The following ENOX2 variants were observed in gnomAD, a reference collection of about 807,000 sequenced individuals.
ENOX2 encodes the protein APK1 antigen.
A neutral mutation model predicts 45.0 loss-of-function variants in ENOX2; 36 were observed. That is an observed-to-expected ratio of 0.80 (90% CI 0.61 to 1.06). ENOX2 has a LOEUF of 1.06. ENOX2 is among the 50% of genes least tolerant of loss of function. The pLI, the probability that ENOX2 is intolerant of heterozygous loss-of-function variation, is 0.00. For synonymous variants in ENOX2, 174 were observed against 152.3 expected, an observed-to-expected ratio of 1.14 and a Z score of -1.05; for missense variants, 423 against 462.5, an observed-to-expected ratio of 0.91 and a Z score of 0.78.
rs374428755 is a variant in ENOX2 at position 130,833,415 on chromosome X, C to G, written c.-182-49725G>C. ...TACTTGCTAGGTGCCAGGCACTGTT[C>G]TAGGAGCTGGCATGACGAGCCCACA... is the stretch of plus-strand genomic sequence containing the variant. On this transcript the variant is annotated intron_variant, in intron 2 of 14. Coordinates refer to ENST00000394363, the MANE Select transcript of ENOX2 (RefSeq NM_006375.4). Among the ~76,000 whole-genome samples, 9 of 110,981 alleles carry G rather than the reference C, an allele frequency of 8.1e-5. No individual in the cohort carries two copies. In the South Asian group the frequency reaches 3.5e-3, roughly 43 times the overall value.
chrX:130,758,888 T>C (rs2039410655), intron 3 of ENOX2, among the ~76,000 whole-genome samples: 1 of 112,083 alleles, frequency 8.9e-6, no homozygotes, highest in African/African-American at 3.2e-5. Flanking sequence ...TTCATGTCTT[T>C]TTTCAATTTT....
chrX:130,732,829 A>G (rs1182301773), intron 3 of ENOX2, among the ~76,000 whole-genome samples: 1 of 111,830 alleles, frequency 8.9e-6, no homozygotes, highest in Non-Finnish European at 1.9e-5. Flanking sequence ...TCCACATGCA[A>G]AAGAGTACAA....
intron 3 of ENOX2, among the ~76,000 whole-genome samples, chrX:130,716,784 C>G (rs2038341718): frequency 8.9e-6 from 1 of 112,516 alleles, no homozygotes; most frequent in Admixed American, 9.4e-5. Flanking sequence ...AATTCAATAG[C>G]TCTTCTGAAT....
intron 2 of ENOX2, among the ~76,000 whole-genome samples, chrX:130,807,010 T>C (rs774211933): frequency 8.9e-6 from 1 of 111,944 alleles, no homozygotes; most frequent in African/African-American, 3.2e-5. Flanking sequence ...TTTGTTGAAT[T>C]GAGTGAATGA....
At chrX:130,857,889 T>C (rs1331531680) in intron 2 of ENOX2, among the ~76,000 whole-genome samples, 2 of 111,690 alleles carry the variant, frequency 1.8e-5, no homozygotes, top group African/African-American at 6.5e-5. Flanking sequence ...ATATAGAATT[T>C]TTTTAATTAC....
At chrX:130,861,594 A>G (rs1012878434) in intron 2 of ENOX2, among the ~76,000 whole-genome samples, 2 of 111,903 alleles carry the variant, frequency 1.8e-5, no homozygotes, top group Admixed American at 1.9e-4. Context: ...ATAGAAGCAG[A>G]AAGTAGAATA....
chrX:130,850,215 G>C (rs1319626707), intron 2 of ENOX2, among the ~76,000 whole-genome samples: 1 of 111,296 alleles, frequency 9.0e-6, no homozygotes, highest in Non-Finnish European at 1.9e-5. Flanking sequence ...AAATAAAATG[G>C]GAATGCACTT....
In ENOX2 at chrX:130,872,428, C is replaced by T. The variant is rs192982021; in HGVS notation, c.-183+29256G>A. The stretch of plus-strand genomic sequence containing the variant: ...CCCTATGTCTAATATTGCATGTTTC[C>T]GCATGGTGGCATATCTCTTCTCTAC... On this transcript the variant is annotated intron_variant, in intron 2 of 14. Coordinates refer to ENST00000394363, the MANE Select transcript of ENOX2 (RefSeq NM_006375.4). Among the ~76,000 whole-genome samples, 95 of 111,604 alleles carry T rather than the reference C, an allele frequency of 8.5e-4. 2 individuals are homozygous for T. The highest frequency in any genetic ancestry group is 2.5e-3 in the African/African-American group (77 of 30,773).
chrX:130,769,257 A>C (rs2039686602), intron 3 of ENOX2, among the ~76,000 whole-genome samples: 1 of 111,271 alleles, frequency 9.0e-6, no homozygotes, highest in African/African-American at 3.3e-5. Flanking sequence ...CCCCCATCTC[A>C]CAGTGTTTTC....
At chrX:130,696,418 G>A (rs1299352861) in intron 4 of ENOX2, among the ~76,000 whole-genome samples, 2 of 110,919 alleles carry the variant, frequency 1.8e-5, no homozygotes, top group African/African-American at 6.5e-5. Context: ...TCTGGATTTT[G>A]GAAATGAATA....
chrX:130,760,650 G>C (rs2148351439), intron 3 of ENOX2, among the ~76,000 whole-genome samples: 1 of 107,107 alleles, frequency 9.3e-6, no homozygotes, highest in Non-Finnish European at 1.9e-5. Flanking sequence ...GCCAGGCGTG[G>C]TGGTGGGTGC....
intron 5 of ENOX2, among the ~76,000 whole-genome samples, chrX:130,685,974 CAG>C (rs2037438875): frequency 9.0e-6 from 1 of 111,496 alleles, no homozygotes; most frequent in African/African-American, 3.3e-5. Context: ...AGGTGGGACA[CAG>C]GGGAGGGAAT....
rs376948085 is a variant in ENOX2, at chrX:130,627,616, G to A, written c.1614+342C>T. On this transcript the variant is annotated intron_variant, in intron 14 of 14. Coordinates refer to ENST00000394363, the MANE Select transcript of ENOX2 (RefSeq NM_006375.4). The stretch of plus-strand genomic sequence containing the variant: ...GTTTGGTGGGTAAGAAAGCTGATAT[G>A]GGTTGGTTTGCAGCTTACAGGTAAA... Among the ~76,000 whole-genome samples, 9 of 111,653 alleles carry A rather than the reference G, an allele frequency of 8.1e-5. No individual in the cohort carries two copies. The East Asian group carries it at 2.5e-3, about 31-fold the overall frequency.
At position 130,852,920 on chromosome X, in the gene ENOX2, G is replaced by C. The variant is rs192575847; in HGVS notation, c.-183+48764C>G. On this transcript the variant is annotated intron_variant, in intron 2 of 14. Transcript: ENST00000394363. ...AATATATCTGAGTCTCTAGTTTCAA[G>C]ACAAGACAGCATAGTTGCACATCTC... Among the ~76,000 whole-genome samples the C allele has an allele frequency of 1.5e-4, 17 of 111,190 alleles. No homozygotes were observed. The East Asian group carries it at 4.0e-3, about 26-fold the overall frequency.
At chrX:130,823,116 C>A (rs1243759526) in intron 2 of ENOX2, among the ~76,000 whole-genome samples, 2 of 111,900 alleles carry the variant, frequency 1.8e-5, no homozygotes, top group African/African-American at 6.5e-5. Context: ...GTTTAATCAG[C>A]ATCACCTGGA....
chrX:130,633,093 G>C (rs1296158792), intron 12 of ENOX2, among the ~76,000 whole-genome samples: 2 of 111,710 alleles, frequency 1.8e-5, no homozygotes, highest in African/African-American at 6.5e-5. Context: ...AAATTAGAAG[G>C]TACATTGAAA....
At chrX:130,627,296 TG>T (rs2035571345) in intron 14 of ENOX2, among the ~76,000 whole-genome samples, 1 of 111,883 alleles carries the variant, frequency 8.9e-6, no homozygotes, top group African/African-American at 3.3e-5. Context: ...AAAAGTTTGA[TG>T]GGGCCGGGTA....
intron 3 of ENOX2, among the ~76,000 whole-genome samples, chrX:130,761,631 G>A (rs1296138992): frequency 9.0e-6 from 1 of 111,698 alleles, no homozygotes; most frequent in East Asian, 2.8e-4. Context: ...GCCTTAGTGA[G>A]CTTTTACTCA....
intron 9 of ENOX2, among the ~76,000 whole-genome samples, chrX:130,659,659 A>T (rs1435207856): frequency 8.9e-6 from 1 of 112,780 alleles, no homozygotes; most frequent in Non-Finnish European, 1.9e-5. Context: ...TTACCGCATT[A>T]GGAAAAGTCA....
Sources: allele counts gnomAD v4.1 joint callset (sites outside exome capture counted in the v4.1 genomes callset), GRCh38; gene constraint gnomAD v4.1.1; transcripts MANE v1.5; gene names NCBI Gene and HGNC (gene_info 2026-07-23, HGNC 2026-07-21).